Variants in CMSS1 observed in about 807,000 individuals in gnomAD.
CMSS1 encodes cms1 ribosomal small subunit homolog.
Under a neutral mutation model 43.5 loss-of-function variants are expected in CMSS1, and 33 were observed. That is an observed-to-expected ratio of 0.76 (90% CI 0.57 to 1.01). The LOEUF is 1.01. CMSS1 is among the 50% of genes least tolerant of loss of function. CMSS1 has a pLI of 0.00. For missense variants in CMSS1, 313 were observed against 326.4 expected, an observed-to-expected ratio of 0.96 and a Z score of 0.32; for synonymous variants, 115 against 117.2, an observed-to-expected ratio of 0.98 and a Z score of 0.12.
intron 1 of CMSS1, among the ~76,000 whole-genome samples, chr3:100,122,272 C>A (rs935293225): frequency 6.6e-6 from 1 of 152,192 alleles, no homozygotes. Flanking sequence ...ATTCTAGACC[C>A]CCCTTTCTGG....
chr3:99,929,836 A>G, intron 1 of CMSS1: 1 of 1,576,180 alleles, frequency 6.3e-7, no homozygotes, highest in Non-Finnish European at 8.6e-7. Context: ...CCAGGTACAC[A>G]CCCCTATTGT....
chr3:99,933,435 A>G (rs1232290499), intron 1 of CMSS1, among the ~76,000 whole-genome samples: 1 of 152,188 alleles, frequency 6.6e-6, no homozygotes, highest in Admixed American at 6.5e-5. Context: ...TGAGATTGGG[A>G]AAAACCTCAT....
chr3:99,924,160 C>A, intron 1 of CMSS1: 1 of 1,267,528 alleles, frequency 7.9e-7, no homozygotes, highest in Non-Finnish European at 1.1e-6. Flanking sequence ...TCTTTGTATC[C>A]CTGAGACCTG....
chr3:99,951,785 G>A (rs1214797515), intron 1 of CMSS1, among the ~76,000 whole-genome samples: 1 of 152,100 alleles, frequency 6.6e-6, no homozygotes, highest in African/African-American at 2.4e-5. Flanking sequence ...AAATATTTTA[G>A]GTTTTGCAGT....
intron 1 of CMSS1, among the ~76,000 whole-genome samples, chr3:99,842,140 A>C (rs1326736523): frequency 1.3e-5 from 2 of 152,232 alleles, no homozygotes; most frequent in Admixed American, 6.5e-5. Context: ...ACACCATGGA[A>C]TACTACTCGG....
At chr3:99,848,675 G>A in intron 1 of CMSS1, 1 of 1,614,094 alleles carries the variant, frequency 6.2e-7, no homozygotes, top group Non-Finnish European at 8.5e-7. Flanking sequence ...ACCTGAATAG[G>A]GGACATTGTC....
chr3:99,824,354 T>G (rs2107476801), intron 1 of CMSS1, among the ~76,000 whole-genome samples: 1 of 152,330 alleles, frequency 6.6e-6, no homozygotes, highest in South Asian at 2.1e-4. Flanking sequence ...AATTATTATG[T>G]TATTATAATT....
At chr3:99,913,737 G>C (rs929556624) in intron 1 of CMSS1, among the ~76,000 whole-genome samples, 1 of 152,182 alleles carries the variant, frequency 6.6e-6, no homozygotes, top group African/African-American at 2.4e-5. Context: ...CTATGTGCGT[G>C]ACCCTGAAGC....
At chr3:100,106,041 C>A (rs1345587424) in intron 1 of CMSS1, among the ~76,000 whole-genome samples, 1 of 151,984 alleles carries the variant, frequency 6.6e-6, no homozygotes, top group Non-Finnish European at 1.5e-5. Context: ...ATTATACCTC[C>A]TAGGGGTTTC....
intron 1 of CMSS1, among the ~76,000 whole-genome samples, chr3:100,097,680 A>G (rs1398244144): frequency 6.6e-6 from 1 of 152,188 alleles, no homozygotes; most frequent in Non-Finnish European, 1.5e-5. Flanking sequence ...TTTCTAAACT[A>G]TTAGGTTATT....
At chr3:100,178,019 T>TGAAGCATGAGAATCACTTGAACCTGG (rs1166045516) in intron 9 of CMSS1, among the ~76,000 whole-genome samples, 2 of 152,196 alleles carry the variant, frequency 1.3e-5, no homozygotes, top group African/African-American at 4.8e-5. Context: ...CTCAGAAGGC[T>TGAAGCATGAGAATCACTTGAACCTGG]GAAGCATGAG....
At chr3:99,897,291 C>G (rs936824962) in intron 1 of CMSS1, among the ~76,000 whole-genome samples, 2 of 151,948 alleles carry the variant, frequency 1.3e-5, no homozygotes, top group African/African-American at 2.4e-5. Flanking sequence ...CCCAGGAGGC[C>G]TCCGCGGGAG....
intron 1 of CMSS1, among the ~76,000 whole-genome samples, chr3:100,014,891 C>CTTTTTTTTTTTTTTTTTTTTTTTTTTT (rs1710284139): frequency 1.5e-4 from 4 of 27,224 alleles, no homozygotes; most frequent in East Asian, 9.9e-4. Context: ...TTTTTTCTTT[C>CTTTTTTTTTTTTTTTTTTTTTTTTTTT]TTTCTTTTTT....
Position 99,910,023 on chromosome 3 carries a change from A to G in CMSS1, c.64+91980A>G, listed in dbSNP as rs574022519. Among the ~76,000 whole-genome samples the G allele has an allele frequency of 2.7e-4, 24 of 88,104 alleles. 6 individuals are homozygous for G. The highest frequency in any genetic ancestry group is 7.3e-4 in the African/African-American group (24 of 32,722). The allele number at this position is 88,104 out of a possible 152,430, so 57.8% of individuals were successfully genotyped here. On this transcript the variant is annotated intron_variant, in intron 1 of 9. Coordinates refer to ENST00000421999, the MANE Select transcript of CMSS1 (RefSeq NM_032359.4). The stretch of plus-strand genomic sequence containing the variant: ...GAAATTTTGTTTAAGAATAAGGCTG[A>G]TTACTTAACAGTGAAGGGCTTCAGT...
At chr3:100,142,969 G>T (rs2066817102) in intron 1 of CMSS1, among the ~76,000 whole-genome samples, 1 of 152,162 alleles carries the variant, frequency 6.6e-6, no homozygotes, top group Non-Finnish European at 1.5e-5. Context: ...AGTACACATT[G>T]TAAGACAAGG....
chr3:100,082,083 G>A (rs1019338932), intron 1 of CMSS1, among the ~76,000 whole-genome samples: 4 of 152,088 alleles, frequency 2.6e-5, no homozygotes, highest in African/African-American at 9.7e-5. Flanking sequence ...TGAAAATACT[G>A]GCATGTTCCT....
intron 1 of CMSS1, among the ~76,000 whole-genome samples, chr3:99,894,046 T>C (rs1247693840): frequency 6.6e-6 from 1 of 152,244 alleles, no homozygotes; most frequent in East Asian, 1.9e-4. Flanking sequence ...AGAACCAGCA[T>C]ATAATAGCTT....
intron 5 of CMSS1, among the ~76,000 whole-genome samples, chr3:100,167,485 T>A (rs1219680972): frequency 6.6e-6 from 1 of 152,334 alleles, no homozygotes; most frequent in East Asian, 1.9e-4. Context: ...ATATTCCAAA[T>A]TTTTTTACTT....
intron 1 of CMSS1, among the ~76,000 whole-genome samples, chr3:100,145,934 A>G (rs1028026924): frequency 1.3e-5 from 2 of 152,264 alleles, no homozygotes; most frequent in East Asian, 1.9e-4. Flanking sequence ...GGCCCAGTCA[A>G]GTTGACACAT....
Sources: allele counts gnomAD v4.1 joint callset (sites outside exome capture counted in the v4.1 genomes callset), GRCh38; gene constraint gnomAD v4.1.1; transcripts MANE v1.5; gene names NCBI Gene and HGNC (gene_info 2026-07-23, HGNC 2026-07-21).